The following DPYD variants were observed in gnomAD, a reference collection of about 807,000 sequenced individuals.
DPYD encodes dihydropyrimidine dehydrogenase [NADP(+)].
Under a neutral mutation model 116.2 loss-of-function variants are expected in DPYD, and 109 were observed. The ratio of observed to expected loss-of-function variants is 0.94; its 90% CI spans 0.80 to 1.10. The LOEUF is 1.10. Ranked by LOEUF, DPYD falls within the 50% of genes least tolerant of loss-of-function variation. The pLI is 0.00. For missense variants in DPYD, 1,302 were observed against 1,254.5 expected (o/e 1.04, Z -0.57); for synonymous variants, 440 against 432.0 (o/e 1.02, Z -0.23).
chr1:97,323,246 TTATA>T (rs1668416828), intron 16 of DPYD, among the ~76,000 whole-genome samples: 1 of 106,380 alleles, frequency 9.4e-6, no homozygotes, highest in South Asian at 3.0e-4. Flanking sequence ...GTATACACAT[TTATA>T]TACTTATATA....
intron 8 of DPYD, among the ~76,000 whole-genome samples, chr1:97,631,862 A>G (rs1210597559): frequency 6.6e-6 from 1 of 152,070 alleles, no homozygotes; most frequent in Non-Finnish European, 1.5e-5. Context: ...AAATAATATT[A>G]GAGTATTTTA....
At chr1:97,098,043 T>C (rs1218551779) in intron 21 of DPYD, among the ~76,000 whole-genome samples, 2 of 152,170 alleles carry the variant, frequency 1.3e-5, no homozygotes, top group African/African-American at 4.8e-5. Flanking sequence ...CAAATAAATG[T>C]CCAGGCTTTC....
intron 20 of DPYD, among the ~76,000 whole-genome samples, chr1:97,119,375 G>T (rs1456068032): frequency 6.6e-6 from 1 of 152,178 alleles, no homozygotes; most frequent in Non-Finnish European, 1.5e-5. Context: ...TTGACAGGAA[G>T]ATGATATCAA....
intron 18 of DPYD, among the ~76,000 whole-genome samples, chr1:97,300,314 G>C (rs1026932682): frequency 4.6e-5 from 7 of 152,022 alleles, no homozygotes; most frequent in African/African-American, 1.7e-4. Context: ...GGTTATTTTA[G>C]ATCTTCAATG....
chr1:97,257,464 A>AGAGAGAGAGAG (rs1557977908), intron 18 of DPYD, among the ~76,000 whole-genome samples: 39 of 138,230 alleles, frequency 2.8e-4, no homozygotes, highest in African/African-American at 1.0e-3. Context: ...GAGAGAGAGA[A>AGAGAGAGAGAG]AGAGAGAGAG....
At chr1:97,841,732 A>G (rs895775533) in intron 2 of DPYD, among the ~76,000 whole-genome samples, 1 of 152,064 alleles carries the variant, frequency 6.6e-6, no homozygotes, top group African/African-American at 2.4e-5. Context: ...GTTTGTTCCC[A>G]GATATGGAAA....
At chr1:97,593,031 A>G (rs1255933888) in intron 10 of DPYD, among the ~76,000 whole-genome samples, 187 bp downstream of exon 10, 1 of 152,212 alleles carries the variant, frequency 6.6e-6, no homozygotes, top group Non-Finnish European at 1.5e-5. Context: ...CATTTTACCC[A>G]AATCAGTATT....
chr1:97,303,419 C>T (rs1019943254), intron 18 of DPYD, among the ~76,000 whole-genome samples: 1 of 151,902 alleles, frequency 6.6e-6, no homozygotes, highest in African/African-American at 2.4e-5. Context: ...AGTATTAAGG[C>T]AGCATTTGAA....
intron 3 of DPYD, among the ~76,000 whole-genome samples, chr1:97,750,950 T>C (rs1664844188): frequency 6.6e-6 from 1 of 151,878 alleles, no homozygotes; most frequent in Non-Finnish European, 1.5e-5. Flanking sequence ...AAAGCTACCA[T>C]AAAAAAGGGC....
intron 8 of DPYD, among the ~76,000 whole-genome samples, chr1:97,638,799 G>A (rs1340445789): frequency 3.3e-5 from 5 of 152,006 alleles, no homozygotes; most frequent in African/African-American, 1.2e-4. Context: ...CAGGTCTCAT[G>A]TGAACTTACA....
chr1:97,164,678 T>C (rs1050326323), intron 20 of DPYD, among the ~76,000 whole-genome samples: 1 of 151,924 alleles, frequency 6.6e-6, no homozygotes, highest in African/African-American at 2.4e-5. Context: ...CCATTCACAA[T>C]TGTCACAAAA....
chr1:97,226,371 C>T (rs1343312237), intron 19 of DPYD, among the ~76,000 whole-genome samples: 3 of 151,950 alleles, frequency 2.0e-5, no homozygotes, highest in Non-Finnish European at 2.9e-5. Context: ...CCACATAGTA[C>T]TGGAAGCCCT....
intron 4 of DPYD, among the ~76,000 whole-genome samples, chr1:97,737,913 A>T (rs1664052606): frequency 6.6e-6 from 1 of 152,180 alleles, no homozygotes; most frequent in South Asian, 2.1e-4. Context: ...GATCTATCAC[A>T]AAGAAAAACT....
intron 18 of DPYD, among the ~76,000 whole-genome samples, chr1:97,284,220 A>G (rs964141368): frequency 1.3e-5 from 2 of 152,140 alleles, no homozygotes; most frequent in Non-Finnish European, 2.9e-5. Flanking sequence ...TTCATGGTAT[A>G]TATCTTTGTC....
chr1:97,362,777 C>T (rs914863405), intron 16 of DPYD, among the ~76,000 whole-genome samples: 2 of 152,124 alleles, frequency 1.3e-5, no homozygotes, highest in Non-Finnish European at 2.9e-5. Context: ...TGGATCCCTT[C>T]CTTACACCTT....
chr1:97,128,971 T>C (rs1274207352), intron 20 of DPYD, among the ~76,000 whole-genome samples: 1 of 152,152 alleles, frequency 6.6e-6, no homozygotes, highest in East Asian at 1.9e-4. Flanking sequence ...ACCCAAACTT[T>C]GTCCAAGCCG....
intron 15 of DPYD, among the ~76,000 whole-genome samples, chr1:97,381,407 T>C (rs548655882): frequency 5.3e-5 from 8 of 152,318 alleles, no homozygotes; most frequent in Non-Finnish European, 8.8e-5. Flanking sequence ...CCATTCATCA[T>C]AGTCAGCTTA....
chr1:97,759,175 C>T (rs763668963), intron 3 of DPYD, among the ~76,000 whole-genome samples: 6 of 152,116 alleles, frequency 3.9e-5, no homozygotes, highest in Non-Finnish European at 7.3e-5. Context: ...TGTATACCAG[C>T]GTTACTGCAT....
intron 20 of DPYD, among the ~76,000 whole-genome samples, chr1:97,112,336 T>G (rs879684511): frequency 1.3e-5 from 2 of 152,136 alleles, no homozygotes; most frequent in African/African-American, 2.4e-5. Flanking sequence ...ATACACTGTA[T>G]AAAGTCAGGA....
Sources: gnomAD v4.1 joint callset for allele counts (sites outside exome capture counted in the v4.1 genomes callset) on GRCh38, gnomAD v4.1.1 for gene constraint, MANE v1.5 for transcripts, NCBI Gene and HGNC (gene_info 2026-07-23, HGNC 2026-07-21) for gene names.